The following ALK variants were observed in gnomAD, a reference collection of about 807,000 sequenced individuals.
ALK encodes the protein ALK tyrosine kinase receptor.
A neutral mutation model predicts 163.1 loss-of-function variants in ALK; 74 were observed. That is an observed-to-expected ratio of 0.45 (90% CI 0.38 to 0.55). The LOEUF (loss-of-function observed/expected upper bound fraction) is 0.55. Among genes scored for constraint, ALK ranks in the 20% least tolerant of loss-of-function variants. ALK has a pLI of 0.00. For synonymous variants in ALK, 960 were observed against 843.2 expected, an observed-to-expected ratio of 1.14 and a Z score of -2.40; for missense variants, 2,063 against 2,105.3, an observed-to-expected ratio of 0.98 and a Z score of 0.39.
chr2:29,510,504 T>A (rs368158596), intron 4 of ALK, among the ~76,000 whole-genome samples: 30 of 152,324 alleles, frequency 2.0e-4, no homozygotes, highest in African/African-American at 7.0e-4. Context: ...TGAGCCTTAG[T>A]TTTATTTGCT....
At chr2:29,292,132 T>C (rs1382064439) in intron 9 of ALK, among the ~76,000 whole-genome samples, 2 of 152,242 alleles carry the variant, frequency 1.3e-5, no homozygotes, top group African/African-American at 4.8e-5. Flanking sequence ...TTTTTCTTGT[T>C]AGACTATGTA....
chr2:29,459,413 G>C (rs1671032676), intron 4 of ALK, among the ~76,000 whole-genome samples: 1 of 152,152 alleles, frequency 6.6e-6, no homozygotes, highest in Non-Finnish European at 1.5e-5. Flanking sequence ...TCTGTCAGCA[G>C]GACGCTGATG....
intron 3 of ALK, among the ~76,000 whole-genome samples, chr2:29,627,662 T>C (rs1328201787): frequency 1.3e-5 from 2 of 152,212 alleles, no homozygotes; most frequent in Non-Finnish European, 2.9e-5. Context: ...CAGGACCTTC[T>C]TGAAGGGGAG....
chr2:29,600,854 G>A (rs1337723791), intron 3 of ALK, among the ~76,000 whole-genome samples: 1 of 152,166 alleles, frequency 6.6e-6, no homozygotes, highest in Non-Finnish European at 1.5e-5. Context: ...TCTGGAAATA[G>A]GCAGCTTAAC....
At chr2:29,669,798 T>A (rs1469684728) in intron 3 of ALK, among the ~76,000 whole-genome samples, 1 of 151,992 alleles carries the variant, frequency 6.6e-6, no homozygotes, top group Non-Finnish European at 1.5e-5. Flanking sequence ...TACAAAAACA[T>A]CTTATAGATA....
At chr2:29,337,023 G>T (rs1002237976) in intron 5 of ALK, among the ~76,000 whole-genome samples, 4 of 152,138 alleles carry the variant, frequency 2.6e-5, no homozygotes, top group Non-Finnish European at 5.9e-5. Context: ...CCATGATCTG[G>T]ACTAGGAAAA....
Position 29,317,815 on chromosome 2 carries a change from T to C in ALK, c.1647+489A>G, listed in dbSNP as rs888400714. 3.8e-4 allele frequency among the ~76,000 whole-genome samples: 11 copies of C among 28,976 alleles called. No individual in the cohort carries two copies. In the Non-Finnish European group the frequency reaches 7.6e-3, roughly 20 times the overall value. The allele number at this position is 28,976 out of a possible 152,430, so 19.0% of individuals were successfully genotyped here. On this transcript the variant is annotated intron_variant, in intron 8 of 28. Coordinates refer to ENST00000389048, the MANE Select transcript of ALK (RefSeq NM_004304.5). ...TGCTAAGGAACAGGGCGCCAGTCCCTCCACCCACACCAATGAGATAACAGC... is the reference window on the plus strand; with the variant it reads ...TGCTAAGGAACAGGGCGCCAGTCCCCCCACCCACACCAATGAGATAACAGC...
intron 4 of ALK, among the ~76,000 whole-genome samples, chr2:29,446,133 C>T (rs1250716896): frequency 1.2e-5 from 1 of 82,896 alleles, no homozygotes; most frequent in African/African-American, 3.9e-5. Flanking sequence ...AAAAGTGAAG[C>T]GCTGTCTCAA....
intron 2 of ALK, among the ~76,000 whole-genome samples, chr2:29,717,171 C>CAAAAAAA (rs754615995): frequency 4.3e-5 from 3 of 70,530 alleles, no homozygotes; most frequent in Admixed American, 1.8e-4. Context: ...GACTCTGTCT[C>CAAAAAAA]AAAAAAAAAA....
At chr2:29,477,182 G>A (rs1671547030) in intron 4 of ALK, among the ~76,000 whole-genome samples, 1 of 152,074 alleles carries the variant, frequency 6.6e-6, no homozygotes, top group Non-Finnish European at 1.5e-5. Flanking sequence ...TCCTGGGGTG[G>A]AAGGTCTGAG....
chr2:29,768,474 T>C (rs1374495814), intron 1 of ALK, among the ~76,000 whole-genome samples: 1 of 152,186 alleles, frequency 6.6e-6, no homozygotes, highest in Non-Finnish European at 1.5e-5. Flanking sequence ...AATTTCCATA[T>C]GTCAGAAGAT....
At chr2:29,599,220 G>A (rs1326830746) in intron 3 of ALK, among the ~76,000 whole-genome samples, 2 of 150,998 alleles carry the variant, frequency 1.3e-5, no homozygotes, top group Non-Finnish European at 2.9e-5. Flanking sequence ...CTCTGTCCTA[G>A]AGGAGTACTA....
chr2:29,496,982 C>T (rs568355521), intron 4 of ALK, among the ~76,000 whole-genome samples: 2 of 152,308 alleles, frequency 1.3e-5, no homozygotes, highest in East Asian at 3.9e-4. Context: ...TCTTAAAATC[C>T]TGATGAGGCC....
chr2:29,783,186 G>C (rs561110371), intron 1 of ALK, among the ~76,000 whole-genome samples: 5 of 152,232 alleles, frequency 3.3e-5, no homozygotes, highest in African/African-American at 4.8e-5. Context: ...ATAATCAATA[G>C]TTCTTCCCCC....
At position 29,217,172 on chromosome 2, in the gene ALK, CTG is replaced by C. The variant is rs771075146; in HGVS notation, c.3646-3093_3646-3092del. Among the ~76,000 whole-genome samples, 225 of 143,740 alleles carry C rather than the reference CTG, an allele frequency of 1.6e-3. 1 individual carries two copies. The highest frequency in any genetic ancestry group is 4.4e-3 in the Admixed American group (63 of 14,306). 94.3% of individuals were successfully genotyped at this position (143,740 alleles called of 152,430 possible). On this transcript the variant is annotated intron_variant, in intron 23 of 28. Coordinates refer to ENST00000389048, the MANE Select transcript of ALK (RefSeq NM_004304.5). ...TGTAGTGTATGTGTTGTGTATATGT[CTG>C]TGTGTTGTGTACATGTGTGGTGTTT...
intron 5 of ALK, among the ~76,000 whole-genome samples, chr2:29,378,136 C>T (rs1668803710): frequency 1.3e-5 from 2 of 152,150 alleles, no homozygotes; most frequent in African/African-American, 4.8e-5. Flanking sequence ...CTTTGCAGCT[C>T]TTTGTCTTCA....
rs181758174 is a variant in ALK at position 29,748,713 on chromosome 2, C to T, written c.668-31016G>A. 2.6e-3 allele frequency among the ~76,000 whole-genome samples: 388 copies of T among 152,078 alleles called. 3 individuals carry two copies. Among genetic ancestry groups the T allele is most frequent in the African/African-American group, 9.0e-3 (374 of 41,482 alleles). On this transcript the variant is annotated intron_variant, in intron 1 of 28. Transcript: ENST00000389048. ...TATCCCTCAGTGATTCAGAAGAAGGCGCTTAGTCGATGGTACTTTAAGAGA... is the reference window on the plus strand; with the variant it reads ...TATCCCTCAGTGATTCAGAAGAAGGTGCTTAGTCGATGGTACTTTAAGAGA...
intron 9 of ALK, among the ~76,000 whole-genome samples, chr2:29,291,059 T>C (rs1666008890): frequency 6.6e-6 from 1 of 152,302 alleles, no homozygotes; most frequent in East Asian, 1.9e-4. Flanking sequence ...ACCTAAATAT[T>C]TTGTTAGTAA....
chr2:29,854,992 G>A (rs72788272), intron 1 of ALK, among the ~76,000 whole-genome samples: 9,408 of 152,056 alleles, frequency 0.062, 421 homozygotes, highest in East Asian at 0.15. Context: ...CAAATTTTAA[G>A]TGCACAATAC....
Sources: allele counts gnomAD v4.1 joint callset (sites outside exome capture counted in the v4.1 genomes callset), GRCh38; gene constraint gnomAD v4.1.1; transcripts MANE v1.5; gene names NCBI Gene and HGNC (gene_info 2026-07-23, HGNC 2026-07-21).